Variants in GPR83 observed in about 807,000 individuals in gnomAD.
The protein encoded by GPR83 is G-protein coupled receptor 72.
GPR83 carries 23 observed loss-of-function variants against 28.0 expected under a neutral mutation model. That is an observed-to-expected ratio of 0.82 (90% CI 0.59 to 1.16). GPR83 has a LOEUF of 1.16. GPR83 is among the 50% of genes most tolerant of loss of function. The pLI is 0.00. For missense variants in GPR83, 610 were observed against 536.6 expected (o/e 1.14, Z -1.35); for synonymous variants, 234 against 215.4 (o/e 1.09, Z -0.76).
chr11:94,400,759 GGACCC>G, intron 1 of GPR83, 97 bp downstream of exon 1: 3 of 991,432 alleles, frequency 3.0e-6, no homozygotes, highest in South Asian at 3.1e-5. Flanking sequence ...AGAGAAGTGG[GGACCC>G]ACAGGGAGAC....
chr11:94,380,654 G>C lies in GPR83; in HGVS notation c.767C>G (p.Ser256Cys). The change falls in exon 4 of 4, where the codon TCT (serine) becomes TGT (cysteine). Residue 256 changes from serine (S) to cysteine (C), a missense_variant. Physicochemically the swap from Ser to Cys is moderately radical, Grantham distance 112. Transcript: ENST00000243673. ...LLYILPLLII[S>C]VAYARVAKKL... The stretch of plus-strand genomic sequence containing the variant: ...CTTGGCCACACGAGCGTAGGCCACA[G>C]AGATGATGAGGAGGGGCAGGATGTA... 1 of 1,614,094 alleles carries C rather than the reference G, an allele frequency of 6.2e-7. No individual in the cohort carries two copies.
intron 2 of GPR83, among the ~76,000 whole-genome samples, chr11:94,394,880 C>T (rs1944851655): frequency 6.6e-6 from 1 of 152,172 alleles, no homozygotes; most frequent in Admixed American, 6.5e-5. Flanking sequence ...CAAGGCTTTG[C>T]CCCCACTCCC....
chr11:94,392,643 G>A (rs1404535096), intron 3 of GPR83, among the ~76,000 whole-genome samples: 1 of 151,838 alleles, frequency 6.6e-6, no homozygotes, highest in Non-Finnish European at 1.5e-5. Flanking sequence ...TGGCCAATAC[G>A]GTGAAACCCC....
At chr11:94,392,364 C>T (rs746824965) in intron 3 of GPR83, among the ~76,000 whole-genome samples, 10 of 152,030 alleles carry the variant, frequency 6.6e-5, no homozygotes, top group Middle Eastern at 3.4e-3. Flanking sequence ...AGGAGAAATA[C>T]CTAATGTAGG....
Position 94,378,778 on chromosome 11 carries a change from A to G in GPR83, c.*1371T>C, listed in dbSNP as rs1049026879. 1 of 152,570 alleles carries G rather than the reference A, an allele frequency of 6.6e-6. No individual in the cohort carries two copies. The highest frequency in any genetic ancestry group is 2.4e-5 in the African/African-American group (1 of 41,454). The allele number at this position is 152,570 out of a possible 1,614,324, so 9.5% of individuals were successfully genotyped here. A position where few individuals can be genotyped will look rare whatever the true frequency, so the allele number is the denominator to read the frequency against. The stretch of plus-strand genomic sequence containing the variant: ...AGCATATTGGAAAGCCTGCTCCCTC[A>G]TCTCTTGTGAAAACAGAACAATGTT... On this transcript the variant is annotated 3_prime_UTR_variant, in exon 4 of 4. Transcript: ENST00000243673.
At chr11:94,384,793 A>G (rs1944732354) in intron 3 of GPR83, among the ~76,000 whole-genome samples, 2 of 152,216 alleles carry the variant, frequency 1.3e-5, no homozygotes, top group Non-Finnish European at 2.9e-5. Flanking sequence ...GCCAAACAAA[A>G]GGCAGTAGAA....
chr11:94,398,339 C>T (rs1944884649), intron 1 of GPR83, among the ~76,000 whole-genome samples: 1 of 152,156 alleles, frequency 6.6e-6, no homozygotes, highest in Non-Finnish European at 1.5e-5. Flanking sequence ...TCCGCTTCTC[C>T]CTCCCCTGCC....
chr11:94,381,252 A>G (rs1944684358), intron 3 of GPR83, among the ~76,000 whole-genome samples: 1 of 152,182 alleles, frequency 6.6e-6, no homozygotes. Context: ...ACAAGTATTT[A>G]TTTGATATGG....
rs756637115 is a variant in GPR83, at chr11:94,380,321, G to T, written c.1100C>A (p.Pro367His). The change falls in exon 4 of 4, where the codon CCC becomes CAC. Residue 367 changes from proline to histidine, a missense_variant. Pro to His is a moderately conservative substitution (Grantham distance 77). Transcript: ENST00000243673. ...GGGTGGCCTGTCCTCCTGAGGCTTG[G>T]GAGGTCTTTGACACATGCTCAGTAA... ...KALLSMCQRP[P>H]KPQEDRPPSP... The T allele has an allele frequency of 5.6e-6, 9 of 1,611,386 alleles. No homozygotes were observed. Among genetic ancestry groups the T allele is most frequent in the Non-Finnish European group, 5.1e-6 (6 of 1,178,194 alleles).
At chr11:94,388,485 T>TA (rs541219030) in intron 3 of GPR83, among the ~76,000 whole-genome samples, 3,932 of 152,176 alleles carry the variant, frequency 0.026, 72 homozygotes, top group African/African-American at 0.045. Context: ...TCTCAGGATA[T>TA]AAAATCAATG....
At chr11:94,396,295 C>G (rs188725385) in intron 2 of GPR83, 104 bp downstream of exon 2, 1 of 1,025,832 alleles carries the variant, frequency 9.7e-7, no homozygotes, top group African/African-American at 1.6e-5. Flanking sequence ...GAGAAACACA[C>G]TCATTGAAAA....
intron 3 of GPR83, among the ~76,000 whole-genome samples, chr11:94,385,161 C>T (rs1297054539): frequency 6.6e-6 from 1 of 152,176 alleles, no homozygotes; most frequent in African/African-American, 2.4e-5. Flanking sequence ...GGAAAACTAA[C>T]AAACAGAAAG....
chr11:94,380,663 A>G lies in GPR83; in HGVS notation c.758T>C (p.Leu253Pro). The change falls in exon 4 of 4, where the codon CTC becomes CCC. Residue 253 changes from leucine to proline, a missense_variant. By Grantham distance (98) the Leu-to-Pro change is moderately conservative. Coordinates refer to ENST00000243673, the MANE Select transcript of GPR83 (RefSeq NM_016540.4). ...ACGAGCGTAGGCCACAGAGATGATG[A>G]GGAGGGGCAGGATGTAGAGCAGGAT... ...TFILLYILPL[L>P]IISVAYARVA... 1 of 1,613,896 alleles carries G rather than the reference A, an allele frequency of 6.2e-7. No homozygotes were observed. The highest frequency in any genetic ancestry group is 1.1e-5 in the South Asian group (1 of 91,034).
intron 2 of GPR83, among the ~76,000 whole-genome samples, chr11:94,395,780 C>T (rs1030072461): frequency 4.6e-5 from 7 of 152,220 alleles, no homozygotes; most frequent in African/African-American, 7.2e-5. Flanking sequence ...GACATCCTGG[C>T]TTGTTTTCCG....
intron 3 of GPR83, among the ~76,000 whole-genome samples, chr11:94,388,740 C>T (rs1281951107): frequency 6.6e-6 from 1 of 152,152 alleles, no homozygotes; most frequent in Non-Finnish European, 1.5e-5. Context: ...TGAAAATGGC[C>T]ATACTGCCCA....
chr11:94,383,490 C>T (rs1004800413), intron 3 of GPR83, among the ~76,000 whole-genome samples: 1 of 152,090 alleles, frequency 6.6e-6, no homozygotes, highest in Non-Finnish European at 1.5e-5. Flanking sequence ...AAGATCAGAG[C>T]AGAACTGATG....
At chr11:94,398,016 T>C (rs553847285) in intron 1 of GPR83, among the ~76,000 whole-genome samples, 1 of 152,324 alleles carries the variant, frequency 6.6e-6, no homozygotes, top group Non-Finnish European at 1.5e-5. Flanking sequence ...CTTCTCACCC[T>C]TCACATTGGG....
chr11:94,400,817 G>C (rs1565189485), intron 1 of GPR83, 44 bp downstream of exon 1: 1 of 1,588,868 alleles, frequency 6.3e-7, no homozygotes. Flanking sequence ...AGAGGAAAGG[G>C]AGACGAAGAC....
intron 3 of GPR83, among the ~76,000 whole-genome samples, chr11:94,390,953 C>T (rs1232103536): frequency 6.6e-6 from 1 of 152,130 alleles, no homozygotes; most frequent in East Asian, 1.9e-4. Flanking sequence ...TGAGTTTCTT[C>T]ACAGAATTGG....
Sources: gnomAD v4.1 joint callset for allele counts (sites outside exome capture counted in the v4.1 genomes callset) on GRCh38, gnomAD v4.1.1 for gene constraint, MANE v1.5 for transcripts, NCBI Gene and HGNC (gene_info 2026-07-23, HGNC 2026-07-21) for gene names.